IMMP2L: variants seen among roughly 807,000 people sequenced by gnomAD.
The protein encoded by IMMP2L is mitochondrial inner membrane protease subunit 2.
IMMP2L carries 18 observed loss-of-function variants against 19.3 expected under a neutral mutation model. That is an observed-to-expected ratio of 0.93 (90% CI 0.64 to 1.38). The LOEUF (loss-of-function observed/expected upper bound fraction) is 1.38. IMMP2L is among the 40% of genes most tolerant of loss of function. The pLI, the probability that IMMP2L is intolerant of heterozygous loss-of-function variation, is 0.00. For synonymous variants in IMMP2L, 76 were observed against 73.0 expected (o/e 1.04, Z -0.21); for missense variants, 233 against 218.2 (o/e 1.07, Z -0.43).
At chr7:110,965,187 T>C (rs1438373843) in intron 3 of IMMP2L, among the ~76,000 whole-genome samples, 3 of 152,080 alleles carry the variant, frequency 2.0e-5, no homozygotes, top group Non-Finnish European at 4.4e-5. Flanking sequence ...TCAAGAAACA[T>C]CTCATGCATC....
At chr7:110,697,671 G>A (rs980198691) in intron 5 of IMMP2L, among the ~76,000 whole-genome samples, 2 of 152,144 alleles carry the variant, frequency 1.3e-5, no homozygotes, top group Non-Finnish European at 2.9e-5. Context: ...GGTGCGGGCT[G>A]TAGTCCCAGT....
chr7:111,250,595 G>T (rs968181413), intron 3 of IMMP2L, among the ~76,000 whole-genome samples: 11 of 151,978 alleles, frequency 7.2e-5, no homozygotes, highest in Non-Finnish European at 1.5e-4. Context: ...TCACAAATAA[G>T]ACTGCACGTC....
At chr7:110,737,826 C>G (rs1319347943) in intron 5 of IMMP2L, among the ~76,000 whole-genome samples, 2 of 152,168 alleles carry the variant, frequency 1.3e-5, no homozygotes, top group South Asian at 4.1e-4. Context: ...GCTAACTCCC[C>G]GAGAGCAGGT....
intron 3 of IMMP2L, among the ~76,000 whole-genome samples, chr7:111,472,092 G>C (rs1161728487): frequency 6.6e-6 from 1 of 151,968 alleles, no homozygotes; most frequent in Non-Finnish European, 1.5e-5. Context: ...ATCTCCATAA[G>C]AGTATCCTTT....
intron 3 of IMMP2L, among the ~76,000 whole-genome samples, chr7:111,016,852 AT>A (rs1825711424): frequency 1.2e-5 from 1 of 86,574 alleles, no homozygotes; most frequent in East Asian, 3.3e-4. Context: ...TATATAATAT[AT>A]ATTATATAAT....
chr7:110,942,423 C>T (rs1343030040), intron 4 of IMMP2L, among the ~76,000 whole-genome samples: 1 of 151,850 alleles, frequency 6.6e-6, no homozygotes, highest in Non-Finnish European at 1.5e-5. Flanking sequence ...TCTAGTTTTA[C>T]GAACTTGGTC....
At chr7:110,853,784 T>C (rs942047670) in intron 5 of IMMP2L, among the ~76,000 whole-genome samples, 3 of 152,048 alleles carry the variant, frequency 2.0e-5, no homozygotes, top group Non-Finnish European at 4.4e-5. Flanking sequence ...ATAATTTTTA[T>C]GTAGGTTTCT....
At chr7:110,791,458 G>A (rs1173677460) in intron 5 of IMMP2L, among the ~76,000 whole-genome samples, 1 of 151,536 alleles carries the variant, frequency 6.6e-6, no homozygotes, top group African/African-American at 2.4e-5. Context: ...AACTATTACT[G>A]TGTTATCTTT....
At chr7:110,833,581 A>C (rs1323119359) in intron 5 of IMMP2L, among the ~76,000 whole-genome samples, 1 of 152,164 alleles carries the variant, frequency 6.6e-6, no homozygotes, top group Non-Finnish European at 1.5e-5. Context: ...TCACTGAGGC[A>C]AAACAATAAA....
At chr7:111,447,143 A>C (rs1289425493) in intron 3 of IMMP2L, among the ~76,000 whole-genome samples, 5 of 147,586 alleles carry the variant, frequency 3.4e-5, no homozygotes, top group Admixed American at 3.4e-4. Context: ...GCAGGATATT[A>C]TCCAGGAGAA....
intron 3 of IMMP2L, among the ~76,000 whole-genome samples, chr7:111,477,750 T>C (rs547733837): frequency 6.6e-6 from 1 of 152,098 alleles, no homozygotes; most frequent in East Asian, 1.9e-4. Flanking sequence ...AATAAAAAAT[T>C]AACCAAGTGT....
intron 3 of IMMP2L, among the ~76,000 whole-genome samples, chr7:111,318,699 C>T (rs1389093211): frequency 6.6e-6 from 1 of 152,086 alleles, no homozygotes; most frequent in Non-Finnish European, 1.5e-5. Flanking sequence ...TACCAAGCCA[C>T]TTGAAGACGG....
At chr7:111,300,411 T>C (rs1368138602) in intron 3 of IMMP2L, among the ~76,000 whole-genome samples, 1 of 152,118 alleles carries the variant, frequency 6.6e-6, no homozygotes, top group African/African-American at 2.4e-5. Context: ...TTTGAGATAA[T>C]TGTAGATTCA....
intron 4 of IMMP2L, among the ~76,000 whole-genome samples, chr7:110,950,858 A>ATGTATATATATATATATATATATG (rs1554470739): frequency 7.3e-6 from 1 of 136,298 alleles, no homozygotes; most frequent in African/African-American, 2.9e-5. Context: ...ATATATATAT[A>ATGTATATATATATATATATATATG]TATATATATA....
chr7:110,842,852 T>C (rs765871719), intron 5 of IMMP2L, among the ~76,000 whole-genome samples: 14 of 152,092 alleles, frequency 9.2e-5, no homozygotes, highest in Non-Finnish European at 8.8e-5. Flanking sequence ...AGAAGCTTAA[T>C]TGCAGGAAAG....
intron 3 of IMMP2L, chr7:111,391,893 G>A: frequency 1.4e-6 from 1 of 702,544 alleles, no homozygotes; most frequent in Non-Finnish European, 2.6e-6. Flanking sequence ...TGTTCTAAAG[G>A]ATGACATTGA....
intron 3 of IMMP2L, among the ~76,000 whole-genome samples, chr7:111,229,422 A>G (rs1813480073): frequency 6.6e-6 from 1 of 152,042 alleles, no homozygotes; most frequent in African/African-American, 2.4e-5. Context: ...GCAAATCACA[A>G]TCAGGTGATC....
intron 3 of IMMP2L, among the ~76,000 whole-genome samples, chr7:111,263,633 T>C (rs1817549055): frequency 6.6e-6 from 1 of 152,130 alleles, no homozygotes; most frequent in South Asian, 2.1e-4. Flanking sequence ...ATATCAATGG[T>C]ATTTTTAAAC....
chr7:110,746,411 A>C (rs1208821140), intron 5 of IMMP2L, among the ~76,000 whole-genome samples: 1 of 152,252 alleles, frequency 6.6e-6, no homozygotes, highest in Non-Finnish European at 1.5e-5. Context: ...CAAACCTAGT[A>C]GACATCTACA....
Sources: allele counts gnomAD v4.1 joint callset (sites outside exome capture counted in the v4.1 genomes callset), GRCh38; gene constraint gnomAD v4.1.1; transcripts MANE v1.5; gene names NCBI Gene and HGNC (gene_info 2026-07-23, HGNC 2026-07-21).